Variants in DAPK2 observed in about 807,000 individuals in gnomAD.
DAPK2 encodes death-associated protein kinase 2.
DAPK2 carries 35 observed loss-of-function variants against 44.1 expected under a neutral mutation model. That is an observed-to-expected ratio of 0.79 (90% confidence interval 0.61 to 1.05). The LOEUF is 1.05. Ranked by LOEUF, DAPK2 falls within the 50% of genes least tolerant of loss-of-function variation. The probability of loss-of-function intolerance (pLI) is 0.00; values close to 1 mark genes in which losing one functional copy is unlikely to be tolerated. For synonymous variants in DAPK2, 174 were observed against 182.6 expected, an observed-to-expected ratio of 0.95 and a Z score of 0.38; for missense variants, 453 against 483.2, an observed-to-expected ratio of 0.94 and a Z score of 0.59.
At chr15:63,918,089 GA>G in intron 8 of DAPK2, 1 of 152,244 alleles carries the variant, frequency 6.6e-6, no homozygotes, top group Non-Finnish European at 1.5e-5. Flanking sequence ...ACGGACCAAG[GA>G]AAAAAGGCAT....
intron 8 of DAPK2, among the ~76,000 whole-genome samples, chr15:63,914,524 G>A (rs2078876818): frequency 6.6e-6 from 1 of 152,092 alleles, no homozygotes; most frequent in Non-Finnish European, 1.5e-5. Context: ...CCCCTGGAAG[G>A]GAGGCACAAA....
Position 63,908,813 on chromosome 15 carries a change from C to T in DAPK2, c.1033-213G>A. 1 of 406,032 alleles carries T rather than the reference C, an allele frequency of 2.5e-6. No individual in the cohort carries two copies. Among genetic ancestry groups the T allele is most frequent in the Non-Finnish European group, 4.4e-6 (1 of 227,120 alleles). 25.2% of individuals were successfully genotyped at this position (406,032 alleles called of 1,614,324 possible). ...GACCAACTGCTTGGAGGAAGGAAAG[C>T]AGCAGGGCATCTAAGGGAAACCAGA... On this transcript the variant is annotated intron_variant, in intron 10 of 10. Coordinates refer to ENST00000261891, the Ensembl canonical transcript of DAPK2. The surrounding 1 kb of genome is among the most constrained non-coding windows in gnomAD (Gnocchi z 5.7).
chr15:64,012,285 G>A (rs745406380), intron 1 of DAPK2, among the ~76,000 whole-genome samples: 13 of 152,160 alleles, frequency 8.5e-5, no homozygotes, highest in Non-Finnish European at 1.8e-4. Context: ...AATAGTCTAC[G>A]TGGCTTATAT....
intron 8 of DAPK2, chr15:63,919,880 T>A (rs1595702894): frequency 6.6e-6 from 1 of 152,192 alleles, no homozygotes; most frequent in South Asian, 2.1e-4. Context: ...AAGGTCAAGG[T>A]CTGTTAACAC....
intron 1 of DAPK2, among the ~76,000 whole-genome samples, chr15:64,045,547 G>A (rs2080443069): frequency 6.6e-6 from 1 of 152,166 alleles, no homozygotes; most frequent in Non-Finnish European, 1.5e-5. Context: ...CTCCTCCAGT[G>A]TGCACCACTG....
chr15:63,985,596 G>A (rs1176541834), intron 1 of DAPK2, among the ~76,000 whole-genome samples: 1 of 152,170 alleles, frequency 6.6e-6, no homozygotes, highest in Middle Eastern at 3.2e-3. Flanking sequence ...TGACCTGTGG[G>A]GAAAGCAAAG....
At chr15:64,040,322 A>C, upstream of DAPK2, 1 of 1,358,364 alleles carries the variant, frequency 7.4e-7, no homozygotes, top group Non-Finnish European at 1.1e-6. Flanking sequence ...GCACAAGCCT[A>C]AGAGTCTAAG....
chr15:63,983,600 G>A, exon 2 of DAPK2: 1 of 1,614,176 alleles, frequency 6.2e-7, no homozygotes, highest in Non-Finnish European at 8.5e-7. Context: ...ACATTGTGGT[G>A]CAGCACCTGC....
intron 2 of DAPK2, among the ~76,000 whole-genome samples, chr15:63,974,412 G>A (rs1006068492): frequency 6.6e-6 from 1 of 152,184 alleles, no homozygotes; most frequent in African/African-American, 2.4e-5. Flanking sequence ...AATCTAAGGT[G>A]TACATTGGTT....
rs925258866 is a variant in DAPK2, at chr15:63,912,701, T to C, written c.859-504A>G. Among the ~76,000 whole-genome samples the C allele has an allele frequency of 1.3e-5, 2 of 152,220 alleles. No individual in the cohort carries two copies. Among genetic ancestry groups the C allele is most frequent in the Non-Finnish European group, 2.9e-5 (2 of 68,044 alleles). ...CTTTTCACAGCCTGGCAGTCAGAGC[T>C]CAGCTTAAATTTTGACTTCTCCAAG... is the stretch of plus-strand genomic sequence containing the variant. On this transcript the variant is annotated intron_variant, in intron 8 of 10. Coordinates refer to ENST00000261891, the Ensembl canonical transcript of DAPK2. This position sits in a 1 kb window ranked among gnomAD's most constrained non-coding sequence, Gnocchi z 4.4.
At chr15:64,004,610 G>C (rs965282107) in intron 1 of DAPK2, among the ~76,000 whole-genome samples, 1 of 152,200 alleles carries the variant, frequency 6.6e-6, no homozygotes, top group African/African-American at 2.4e-5. Flanking sequence ...GTGGAGATAG[G>C]GGTCTCTGCT....
chr15:63,940,591 A>T (rs2077279734), intron 3 of DAPK2, among the ~76,000 whole-genome samples: 1 of 152,136 alleles, frequency 6.6e-6, no homozygotes, highest in African/African-American at 2.4e-5. Context: ...GCACGCCTGT[A>T]GTCCCAGCTG....
intron 1 of DAPK2, among the ~76,000 whole-genome samples, chr15:63,989,956 T>A (rs568052304): frequency 1.3e-5 from 2 of 152,282 alleles, no homozygotes; most frequent in Admixed American, 1.3e-4. Flanking sequence ...CCTCCCAAAG[T>A]GCTGGGATTA....
intron 1 of DAPK2, among the ~76,000 whole-genome samples, chr15:64,035,791 G>C (rs1302714574): frequency 6.6e-6 from 1 of 152,216 alleles, no homozygotes; most frequent in African/African-American, 2.4e-5. Context: ...CCAAAAGTGT[G>C]AGCACAGCCA....
intron 3 of DAPK2, among the ~76,000 whole-genome samples, chr15:63,967,873 A>T (rs928210087): frequency 6.6e-6 from 1 of 152,100 alleles, no homozygotes; most frequent in African/African-American, 2.4e-5. Flanking sequence ...ACCCTCTTCT[A>T]TTACCTGCCC....
chr15:63,941,651 C>T (rs1215982155), intron 3 of DAPK2, among the ~76,000 whole-genome samples: 1 of 145,560 alleles, frequency 6.9e-6, no homozygotes, highest in Admixed American at 7.0e-5. Flanking sequence ...AAATAAATAA[C>T]ACATTTCCTT....
exon 2 of DAPK2, chr15:63,983,547 C>A (rs772432341): frequency 6.2e-7 from 1 of 1,614,166 alleles, no homozygotes; most frequent in Non-Finnish European, 8.5e-7. Flanking sequence ...CAAGGATGAG[C>A]ACCACGTCGG....
At chr15:63,958,146 A>G (rs1465270771) in intron 3 of DAPK2, among the ~76,000 whole-genome samples, 2 of 151,934 alleles carry the variant, frequency 1.3e-5, no homozygotes, top group Non-Finnish European at 2.9e-5. Flanking sequence ...GGCTGCATAA[A>G]TGTCTTCTTC....
chr15:63,923,494 C>T lies in DAPK2; in HGVS notation c.858+1322G>A, dbSNP rs1000387308. On this transcript the variant is annotated intron_variant, in intron 8 of 10. Transcript: ENST00000261891. The surrounding 1 kb of genome is among the most constrained non-coding windows in gnomAD (Gnocchi z 4.2). ...GAGAACCAGGGTGGGATGAGCACCT[C>T]CTTAGGCCATAAGTGAGGTCAAGGA... Among the ~76,000 whole-genome samples the T allele has an allele frequency of 6.6e-6, 1 of 152,188 alleles. No homozygotes were observed. The highest frequency in any genetic ancestry group is 2.4e-5 in the African/African-American group (1 of 41,440).
Sources: gnomAD v4.1 joint callset for allele counts (sites outside exome capture counted in the v4.1 genomes callset) on GRCh38, gnomAD v4.1.1 for gene constraint, Gnocchi (gnomAD v3.1) non-coding constraint, MANE v1.5 for transcripts, NCBI Gene and HGNC (gene_info 2026-07-23, HGNC 2026-07-21) for gene names.